GBP7: variants seen among roughly 807,000 people sequenced by gnomAD.
The protein encoded by GBP7 is guanylate binding protein 7.
GBP7 carries 43 observed loss-of-function variants against 61.3 expected under a neutral mutation model. The observed-to-expected ratio is 0.70, with a 90% CI of 0.55 to 0.91. GBP7 has a LOEUF of 0.91. GBP7 is among the 40% of genes least tolerant of loss of function. GBP7 has a pLI of 0.00. For missense variants in GBP7, 717 were observed against 740.5 expected (o/e 0.97, Z 0.37); for synonymous variants, 267 against 271.0 (o/e 0.99, Z 0.14).
At chr1:89,165,341 A>G (rs1647394902) in intron 2 of GBP7, among the ~76,000 whole-genome samples, 1 of 152,074 alleles carries the variant, frequency 6.6e-6, no homozygotes. Context: ...CTCTACTAAA[A>G]TACAAAAAAT....
At chr1:89,139,586 A>G (rs1274451798) in intron 9 of GBP7, among the ~76,000 whole-genome samples, 1 of 152,242 alleles carries the variant, frequency 6.6e-6, no homozygotes, top group Non-Finnish European at 1.5e-5. Context: ...AATGAACTCA[A>G]ACAAATTCAC....
chr1:89,137,338 C>A (rs1316469381), intron 9 of GBP7, among the ~76,000 whole-genome samples: 1 of 152,006 alleles, frequency 6.6e-6, no homozygotes, highest in African/African-American at 2.4e-5. Context: ...AAAAACCTGG[C>A]AGAGACACAA....
In GBP7 at chr1:89,141,601, C is replaced by T. The variant is rs896333519; in HGVS notation, c.1413G>A (p.Glu471=). 1 of 1,613,884 alleles carries T rather than the reference C, an allele frequency of 6.2e-7. No individual in the cohort carries two copies. The highest frequency in any genetic ancestry group is 1.7e-5 in the Admixed American group (1 of 59,992). The change falls in exon 9 of 11, where the codon GAG becomes GAA. Residue 471 remains glutamate (E), a synonymous_variant. Coordinates refer to ENST00000294671, the MANE Select transcript of GBP7 (RefSeq NM_207398.3). ...CTTTGTCTGACTGCAGGATGGATTCCTCTATAACCACCTGTGACTGCAGGA... is the reference window on the plus strand; with the variant it reads ...CTTTGTCTGACTGCAGGATGGATTCTTCTATAACCACCTGTGACTGCAGGA... ...QSFLQSQVVI[E]ESILQSDKAL... is the part of the protein sequence containing the mutation.
intron 2 of GBP7, among the ~76,000 whole-genome samples, chr1:89,167,631 A>G (rs1647480672): frequency 6.6e-6 from 1 of 152,248 alleles, no homozygotes; most frequent in African/African-American, 2.4e-5. Context: ...GAGGGACTCC[A>G]GTCTCTGAAG....
intron 3 of GBP7, among the ~76,000 whole-genome samples, chr1:89,162,391 G>T (rs1240502917): frequency 6.6e-6 from 1 of 152,146 alleles, no homozygotes; most frequent in Non-Finnish European, 1.5e-5. Flanking sequence ...TAACAATATT[G>T]ATTCTGTCTC....
At chr1:89,161,261 C>A (rs1001409580) in intron 3 of GBP7, among the ~76,000 whole-genome samples, 1 of 152,016 alleles carries the variant, frequency 6.6e-6, no homozygotes, top group Admixed American at 6.6e-5. Context: ...TATAATAGAA[C>A]AATTTATAGT....
intron 3 of GBP7, among the ~76,000 whole-genome samples, chr1:89,157,142 T>C (rs528775965): frequency 1.3e-5 from 2 of 152,308 alleles, no homozygotes; most frequent in South Asian, 4.1e-4. Context: ...AATAAAGATG[T>C]TCTTTGAAAC....
chr1:89,137,340 G>A (rs1398773773), intron 9 of GBP7, among the ~76,000 whole-genome samples: 2 of 152,066 alleles, frequency 1.3e-5, no homozygotes, highest in Admixed American at 6.5e-5. Flanking sequence ...AAACCTGGCA[G>A]AGACACAACA....
In GBP7 at chr1:89,142,446, C is replaced by T. The variant is rs116488850; in HGVS notation, c.1366-798G>A. 8.7e-3 allele frequency among the ~76,000 whole-genome samples: 1,326 copies of T among 152,248 alleles called. 23 individuals are homozygous for T. The highest frequency in any genetic ancestry group is 0.031 in the African/African-American group (1,276 of 41,538). On this transcript the variant is annotated intron_variant, in intron 8 of 10. Coordinates refer to ENST00000294671, the MANE Select transcript of GBP7 (RefSeq NM_207398.3). ...TTTTACTTTTGTAGAGATGGAAGTC[C>T]TGTCATGTTGCTCAGGATGGTTTCA...
chr1:89,143,222 T>A (rs1681992852), intron 8 of GBP7, among the ~76,000 whole-genome samples: 1 of 152,238 alleles, frequency 6.6e-6, no homozygotes, highest in Non-Finnish European at 1.5e-5. Context: ...TCACCTTCTT[T>A]TCATTTTGTG....
Position 89,171,922 on chromosome 1 carries a change from A to G in GBP7, c.14T>C (p.Ile5Thr). 6.2e-7 allele frequency: 1 copy of G among 1,612,330 alleles called. No individual in the cohort carries two copies. The highest frequency in any genetic ancestry group is 8.5e-7 in the Non-Finnish European group (1 of 1,178,694). Residue 5 changes from isoleucine (I) to threonine (T), a missense_variant, in exon 2 of 11, where the codon ATC (isoleucine) becomes ACC (threonine). By Grantham distance (89) the Ile-to-Thr change is moderately conservative (BLOSUM62 -1). Around this residue, in one of 3 missense-constraint regions of GBP7, gnomAD observed 387 missense variants for 385.2 expected, o/e 1.00. Transcript: ENST00000294671. MASE[I>T]HMPGPVCLTE... Reference sequence around the variant, plus strand: ...GAGGCACACTGGGCCTGGCATGTGGATCTCTGATGCCATGTTCAGGGCGTT... The same window carrying G: ...GAGGCACACTGGGCCTGGCATGTGGGTCTCTGATGCCATGTTCAGGGCGTT...
At chr1:89,134,960 G>C (rs2100634170) in intron 9 of GBP7, among the ~76,000 whole-genome samples, 1 of 152,290 alleles carries the variant, frequency 6.6e-6, no homozygotes, top group African/African-American at 2.4e-5. Flanking sequence ...TCAGTAAAAT[G>C]ACTCAAGAAC....
chr1:89,134,604 GA>G (rs57740811), intron 9 of GBP7, among the ~76,000 whole-genome samples: 36,228 of 143,148 alleles, frequency 0.25, 4,531 homozygotes, highest in Non-Finnish European at 0.29. Context: ...AAATCATCCA[GA>G]AAAAAAAAAA....
chr1:89,133,577 A>G, intron 9 of GBP7, 126 bp from the exon 10 acceptor site: 2 of 721,534 alleles, frequency 2.8e-6, no homozygotes, highest in South Asian at 1.8e-5. Context: ...AAGAAGACTG[A>G]TAAACTCCAA....
At chr1:89,154,003 T>C (rs1246711272) in intron 3 of GBP7, among the ~76,000 whole-genome samples, 1 of 152,054 alleles carries the variant, frequency 6.6e-6, no homozygotes, top group East Asian at 1.9e-4. Context: ...ACTGAATGAG[T>C]GAATAGGTAT....
chr1:89,157,974 C>G (rs1289913665), intron 3 of GBP7, among the ~76,000 whole-genome samples: 4 of 152,132 alleles, frequency 2.6e-5, no homozygotes, highest in Admixed American at 2.0e-4. Context: ...AAGATACTGG[C>G]AAACCAAATC....
At position 89,171,747 on chromosome 1, in the gene GBP7, T is replaced by A. The variant is rs753379185; in HGVS notation, c.189A>T (p.Lys63Asn). The A allele has an allele frequency of 6.2e-7, 1 of 1,612,506 alleles. No individual in the cohort carries two copies. Among genetic ancestry groups the A allele is most frequent in the African/African-American group, 1.3e-5 (1 of 74,634 alleles). ...CCATGCTTTGCTGGTGCCACTCACCTTTGTTCTTCCCAGCCAGCTTGTTCA... is the reference window on the plus strand; with the variant it reads ...CCATGCTTTGCTGGTGCCACTCACCATTGTTCTTCCCAGCCAGCTTGTTCA... The part of the protein sequence containing the change: ...YLMNKLAGKN[K>N]GFPLGCTVKS... Residue 63 changes from lysine to asparagine, a missense_variant and splice_region_variant, in exon 2 of 11, where the codon AAA (lysine) becomes AAT (asparagine). Coordinates refer to ENST00000294671, the MANE Select transcript of GBP7 (RefSeq NM_207398.3).
At chr1:89,153,882 A>G (rs1046920387) in intron 3 of GBP7, among the ~76,000 whole-genome samples, 1 of 152,220 alleles carries the variant, frequency 6.6e-6, no homozygotes, top group Non-Finnish European at 1.5e-5. Flanking sequence ...GAGTACATAA[A>G]ATCAGGACTT....
intron 1 of GBP7, among the ~76,000 whole-genome samples, chr1:89,173,699 C>T (rs1431448451): frequency 6.6e-6 from 1 of 152,136 alleles, no homozygotes; most frequent in East Asian, 1.9e-4. Context: ...CAGTTAGTTA[C>T]ATTTGTTACT....
Sources: allele counts gnomAD v4.1 joint callset (sites outside exome capture counted in the v4.1 genomes callset), GRCh38; gene constraint gnomAD v4.1.1; regional missense constraint gnomAD v4.1.1; transcripts MANE v1.5; gene names NCBI Gene and HGNC (gene_info 2026-07-23, HGNC 2026-07-21).